Variants in ALK observed in about 807,000 individuals in gnomAD.
The protein encoded by ALK is ALK tyrosine kinase receptor.
ALK carries 74 observed loss-of-function variants against 163.1 expected under a neutral mutation model. The observed-to-expected ratio is 0.45, with a 90% confidence interval of 0.38 to 0.55. ALK has a LOEUF of 0.55. ALK is among the 20% of genes least tolerant of loss of function. ALK has a pLI of 0.00. For synonymous variants in ALK, 960 were observed against 843.2 expected, an observed-to-expected ratio of 1.14 and a Z score of -2.40; for missense variants, 2,063 against 2,105.3, an observed-to-expected ratio of 0.98 and a Z score of 0.39.
At chr2:29,514,485 G>T (rs1485479429) in intron 4 of ALK, among the ~76,000 whole-genome samples, 5 of 152,174 alleles carry the variant, frequency 3.3e-5, no homozygotes, top group African/African-American at 4.8e-5. Context: ...CACTCCCAGG[G>T]CTTGAAGACT....
chr2:29,798,011 C>G (rs1282733059), intron 1 of ALK, among the ~76,000 whole-genome samples: 1 of 152,148 alleles, frequency 6.6e-6, no homozygotes, highest in Non-Finnish European at 1.5e-5. Context: ...AGTCTTAAAG[C>G]TGCCTGCAGG....
chr2:29,585,266 T>C (rs1343323027), intron 3 of ALK, among the ~76,000 whole-genome samples: 1 of 152,230 alleles, frequency 6.6e-6, no homozygotes, highest in Non-Finnish European at 1.5e-5. Flanking sequence ...TAAAAGTCAA[T>C]TGCAATTCAA....
chr2:29,566,777 G>A (rs1406523934), intron 3 of ALK, among the ~76,000 whole-genome samples: 1 of 152,198 alleles, frequency 6.6e-6, no homozygotes, highest in African/African-American at 2.4e-5. Flanking sequence ...ACTAATTCAT[G>A]CATATAATGA....
chr2:29,248,718 A>G (rs1573158140), intron 12 of ALK, among the ~76,000 whole-genome samples: 2 of 152,348 alleles, frequency 1.3e-5, no homozygotes, highest in East Asian at 3.9e-4. Context: ...CTGTGGAAAT[A>G]ATGTGGCACT....
intron 1 of ALK, among the ~76,000 whole-genome samples, chr2:29,816,998 G>A (rs34052536): frequency 0.42 from 64,036 of 152,028 alleles, 16,174 homozygotes; most frequent in South Asian, 0.56. Flanking sequence ...TGCTTTGTGC[G>A]TATGAACTCA....
intron 5 of ALK, among the ~76,000 whole-genome samples, chr2:29,368,610 C>T (rs1204366551): frequency 6.6e-6 from 1 of 152,098 alleles, no homozygotes; most frequent in Non-Finnish European, 1.5e-5. Flanking sequence ...AGGGAATATA[C>T]CAGGTAGGGA....
At chr2:29,252,965 C>T (rs931584620) in intron 11 of ALK, among the ~76,000 whole-genome samples, 1 of 151,898 alleles carries the variant, frequency 6.6e-6, no homozygotes. Flanking sequence ...GCTGGGACTA[C>T]AGACCTACCC....
chr2:29,194,899 A>T (rs1326998302), intron 28 of ALK, among the ~76,000 whole-genome samples: 1 of 152,164 alleles, frequency 6.6e-6, no homozygotes, highest in East Asian at 1.9e-4. Flanking sequence ...GTGCTAGATC[A>T]TTTTCACAGT....
chr2:29,641,414 G>A (rs1459819078), intron 3 of ALK, among the ~76,000 whole-genome samples: 2 of 152,102 alleles, frequency 1.3e-5, no homozygotes, highest in East Asian at 3.9e-4. Flanking sequence ...CCAATTGCCT[G>A]CAAGTGAACC....
At chr2:29,768,113 T>C (rs1680913752) in intron 1 of ALK, among the ~76,000 whole-genome samples, 1 of 152,356 alleles carries the variant, frequency 6.6e-6, no homozygotes, top group East Asian at 1.9e-4. Context: ...GGAATTTTCA[T>C]GGCTTAGAGA....
At chr2:29,464,009 T>G (rs1165854775) in intron 4 of ALK, among the ~76,000 whole-genome samples, 1 of 152,210 alleles carries the variant, frequency 6.6e-6, no homozygotes, top group Non-Finnish European at 1.5e-5. Context: ...ACTCTGAGTC[T>G]GACACAGCAA....
At chr2:29,209,696 G>A (rs996209865) in intron 25 of ALK, 90 bp downstream of exon 25, 4 of 914,210 alleles carry the variant, frequency 4.4e-6, no homozygotes, top group Non-Finnish European at 5.3e-6. Context: ...GGTACCAGGA[G>A]ATGATGTAAG....
In ALK at chr2:29,902,989, C is replaced by T. The variant is rs117046542; in HGVS notation, c.667+17004G>A. On this transcript the variant is annotated intron_variant, in intron 1 of 28. Coordinates refer to ENST00000389048, the MANE Select transcript of ALK (RefSeq NM_004304.5). The stretch of plus-strand genomic sequence containing the variant: ...CCTGGTGGGGTTGGTATCATCCCTG[C>T]ACTTAACTAGGACCCAGAGAGTTTA... 2.6e-3 allele frequency among the ~76,000 whole-genome samples: 392 copies of T among 152,310 alleles called. 10 individuals are homozygous for T. The East Asian group carries it at 0.071, about 28-fold the overall frequency.
intron 1 of ALK, among the ~76,000 whole-genome samples, chr2:29,823,052 C>A (rs934361809): frequency 6.6e-6 from 1 of 152,188 alleles, no homozygotes; most frequent in Non-Finnish European, 1.5e-5. Context: ...TGGGAGGTAA[C>A]TGAATCATGG....
intron 3 of ALK, among the ~76,000 whole-genome samples, chr2:29,656,039 T>A (rs866077337): frequency 1.3e-5 from 2 of 152,166 alleles, no homozygotes; most frequent in Admixed American, 6.6e-5. Context: ...TATATACAAG[T>A]TTAAATAAAC....
At chr2:29,543,536 T>C (rs1034162114) in intron 3 of ALK, among the ~76,000 whole-genome samples, 1 of 152,226 alleles carries the variant, frequency 6.6e-6, no homozygotes, top group Non-Finnish European at 1.5e-5. Context: ...TTAGAGGCTT[T>C]TTCCTAGCCC....
In ALK at chr2:29,921,148, T is replaced by C. The variant is rs890157786; in HGVS notation, c.-489A>G. On this transcript the variant is annotated 5_prime_UTR_variant, in exon 1 of 29. Coordinates refer to ENST00000389048, the MANE Select transcript of ALK (RefSeq NM_004304.5). ...GCTGCACGCTGTCCTGGCCGCCTTT[T>C]GCGTTCCTTTTGGCTCCTCCAAGCT... is the stretch of plus-strand genomic sequence containing the variant. 1 of 237,572 alleles carries C rather than the reference T, an allele frequency of 4.2e-6. No homozygotes were observed. The highest frequency in any genetic ancestry group is 2.2e-5 in the African/African-American group (1 of 45,462). 14.7% of individuals were successfully genotyped at this position (237,572 alleles called of 1,614,324 possible).
At chr2:29,507,314 C>G (rs894899395) in intron 4 of ALK, among the ~76,000 whole-genome samples, 6 of 152,100 alleles carry the variant, frequency 3.9e-5, no homozygotes, top group Admixed American at 2.0e-4. Context: ...TTTGAGGTAC[C>G]TAGAGTAGTC....
At chr2:29,898,049 TAGA>T (rs909489969) in intron 1 of ALK, among the ~76,000 whole-genome samples, 2 of 151,940 alleles carry the variant, frequency 1.3e-5, no homozygotes, top group Non-Finnish European at 2.9e-5. Flanking sequence ...AAGGCAAGAC[TAGA>T]AGAAGAGAAA....
Sources: allele counts gnomAD v4.1 joint callset (sites outside exome capture counted in the v4.1 genomes callset), GRCh38; gene constraint gnomAD v4.1.1; transcripts MANE v1.5; gene names NCBI Gene and HGNC (gene_info 2026-07-23, HGNC 2026-07-21).